The following GMDS variants were observed in gnomAD, a reference collection of about 807,000 sequenced individuals.
GMDS encodes the protein GDP-mannose 4,6-dehydratase, also known as GDP-mannose 4,6 dehydratase.
In GMDS, 20 loss-of-function variants were observed where a neutral mutation model predicts 49.9. That is an observed-to-expected ratio of 0.40 (90% CI 0.28 to 0.58). The LOEUF is 0.58. GMDS is among the 20% of genes least tolerant of loss of function. GMDS has a pLI of 0.42. For missense variants in GMDS, 362 were observed against 481.4 expected (o/e 0.75, Z 2.32); for synonymous variants, 177 against 178.6 (o/e 0.99, Z 0.07).
intron 4 of GMDS, among the ~76,000 whole-genome samples, chr6:2,021,520 A>G (rs1218880358): frequency 6.6e-6 from 1 of 152,206 alleles, no homozygotes; most frequent in Non-Finnish European, 1.5e-5. Flanking sequence ...TTCAATCACT[A>G]GAAACAATAA....
rs531341738 is a variant in GMDS, at chr6:1,635,857, G to A, written c.988-11317C>T. Among the ~76,000 whole-genome samples the A allele has an allele frequency of 3.8e-4, 58 of 152,252 alleles. 1 individual carries two copies. Among genetic ancestry groups the A allele is most frequent in the Admixed American group, 2.2e-3 (34 of 15,300 alleles). On this transcript the variant is annotated intron_variant, in intron 9 of 10. Coordinates refer to ENST00000380815, the MANE Select transcript of GMDS (RefSeq NM_001500.4). The surrounding 1 kb of genome is among the most constrained non-coding windows in gnomAD (Gnocchi z 4.7). ...CTCCAGGCAAGCAGGGCCCAGCCTC[G>A]GCACCTCCAGCACTGCGTCTGGGAG...
intron 7 of GMDS, among the ~76,000 whole-genome samples, chr6:1,820,235 T>C (rs971186155): frequency 2.6e-5 from 4 of 152,172 alleles, no homozygotes; most frequent in African/African-American, 9.7e-5. Context: ...AGAAGAGGCA[T>C]GAATTTTATT....
chr6:2,205,999 C>G (rs1486119428), intron 1 of GMDS, among the ~76,000 whole-genome samples: 1 of 152,162 alleles, frequency 6.6e-6, no homozygotes, highest in Non-Finnish European at 1.5e-5. Flanking sequence ...TGGCTCACAC[C>G]TGTAATCTCA....
At position 1,725,685 on chromosome 6, in the gene GMDS, G is replaced by A. The variant is rs140054217; in HGVS notation, c.987+731C>T. 6.1e-3 allele frequency among the ~76,000 whole-genome samples: 935 copies of A among 152,314 alleles called. 11 individuals carry two copies. Among genetic ancestry groups the A allele is most frequent in the African/African-American group, 0.021 (892 of 41,574 alleles). On this transcript the variant is annotated intron_variant, in intron 9 of 10. Transcript: ENST00000380815. The stretch of plus-strand genomic sequence containing the variant: ...GAGCTCAGGTGATCTGCATGCCTCT[G>A]CCTCCCAAAGGGCTGGGATTATAGG...
chr6:2,213,173 G>A (rs548409779), intron 1 of GMDS, among the ~76,000 whole-genome samples: 2 of 152,284 alleles, frequency 1.3e-5, no homozygotes, highest in South Asian at 2.1e-4. Context: ...GCTCACCACA[G>A]GTGGCAAATA....
chr6:2,207,513 C>T lies in GMDS; in HGVS notation c.102+37808G>A, dbSNP rs905950991. ...GTGAAGACTAACTGGTTGTCCATGC[C>T]ACAATGACAACAAACTACTGAGCTT... On this transcript the variant is annotated intron_variant, in intron 1 of 10. Transcript: ENST00000380815. Among the ~76,000 whole-genome samples, 14 of 151,864 alleles carry T rather than the reference C, an allele frequency of 9.2e-5. 2 individuals are homozygous for T. The highest frequency in any genetic ancestry group is 4.6e-4 in the Admixed American group (7 of 15,260).
At chr6:1,913,592 T>C (rs3800129) in intron 7 of GMDS, among the ~76,000 whole-genome samples, 104 of 152,344 alleles carry the variant, frequency 6.8e-4, no homozygotes, top group East Asian at 6.2e-3. Context: ...AAAAAGGCTA[T>C]GTCAAAAATG....
intron 1 of GMDS, among the ~76,000 whole-genome samples, chr6:2,141,740 G>C (rs2127528753): frequency 6.6e-6 from 1 of 152,292 alleles, no homozygotes; most frequent in Non-Finnish European, 1.5e-5. Context: ...TCTAAATACA[G>C]CATCTCTGAC....
Position 2,238,811 on chromosome 6 carries a change from C to A in GMDS, c.102+6510G>T, listed in dbSNP as rs540755476. Among the ~76,000 whole-genome samples the A allele has an allele frequency of 4.6e-5, 7 of 152,048 alleles. No homozygotes were observed. In the East Asian group the frequency reaches 1.4e-3, roughly 30 times the overall value. ...AACATGTACCAAAATATCACACATA[C>A]CCCATAAATATGTACAATTATTATG... On this transcript the variant is annotated intron_variant, in intron 1 of 10. Transcript: ENST00000380815.
chr6:1,873,107 G>T (rs1416668771), intron 7 of GMDS, among the ~76,000 whole-genome samples: 1 of 152,198 alleles, frequency 6.6e-6, no homozygotes, highest in Non-Finnish European at 1.5e-5. Flanking sequence ...TCGGCAAGTC[G>T]CCCAGTTCTT....
intron 7 of GMDS, among the ~76,000 whole-genome samples, chr6:1,746,264 C>T (rs1005183892): frequency 6.6e-6 from 1 of 152,214 alleles, no homozygotes; most frequent in Non-Finnish European, 1.5e-5. Context: ...AAAAGACAGT[C>T]TTCCTGCATT....
At chr6:2,046,028 T>C (rs760788026) in intron 4 of GMDS, among the ~76,000 whole-genome samples, 3 of 152,034 alleles carry the variant, frequency 2.0e-5, no homozygotes, top group East Asian at 1.9e-4. Context: ...CTAGGCAATA[T>C]AGCAAGACCT....
chr6:2,015,798 A>G (rs1034528596), intron 4 of GMDS, among the ~76,000 whole-genome samples: 1 of 152,210 alleles, frequency 6.6e-6, no homozygotes, highest in Non-Finnish European at 1.5e-5. Context: ...GACATTTATC[A>G]TGCAATGTGG....
rs3839602 is a variant in GMDS, at chr6:1,871,058, GCACA to G, written c.771+59041_771+59044del. Among the ~76,000 whole-genome samples the G allele has an allele frequency of 6.3e-4, 92 of 147,196 alleles. 1 individual carries two copies. Among genetic ancestry groups the G allele is most frequent in the Admixed American group, 1.4e-3 (20 of 14,780 alleles). ...CACCCATCCATATCACTATCCCCCA[GCACA>G]CACACACACACACACACACACACAC... is the stretch of plus-strand genomic sequence containing the variant. On this transcript the variant is annotated intron_variant, in intron 7 of 10. Coordinates refer to ENST00000380815, the MANE Select transcript of GMDS (RefSeq NM_001500.4).
chr6:1,974,421 G>T (rs1764781868), intron 4 of GMDS, among the ~76,000 whole-genome samples: 1 of 152,116 alleles, frequency 6.6e-6, no homozygotes. Flanking sequence ...AAATAAATAA[G>T]AACAGCAACC....
At chr6:2,020,887 T>C (rs1302885475) in intron 4 of GMDS, among the ~76,000 whole-genome samples, 2 of 152,256 alleles carry the variant, frequency 1.3e-5, no homozygotes, top group African/African-American at 4.8e-5. Context: ...GCAGGGTTAC[T>C]TTAAAAACTT....
intron 7 of GMDS, among the ~76,000 whole-genome samples, chr6:1,915,506 C>T (rs1761334295): frequency 6.6e-6 from 1 of 152,208 alleles, no homozygotes; most frequent in Non-Finnish European, 1.5e-5. Flanking sequence ...GACGCTGGGG[C>T]CCTGCCCAAG....
intron 4 of GMDS, among the ~76,000 whole-genome samples, chr6:2,040,211 GC>G (rs982317963): frequency 2.5e-4 from 38 of 152,332 alleles, no homozygotes; most frequent in African/African-American, 8.9e-4. Context: ...AGGGGGAGTG[GC>G]AAAGGGCAGG....
intron 9 of GMDS, among the ~76,000 whole-genome samples, chr6:1,689,794 T>A (rs1765109862): frequency 6.6e-6 from 1 of 152,156 alleles, no homozygotes; most frequent in African/African-American, 2.4e-5. Flanking sequence ...TCTGAAAAAT[T>A]GTAATAAAGT....
Sources: gnomAD v4.1 joint callset for allele counts (sites outside exome capture counted in the v4.1 genomes callset) on GRCh38, gnomAD v4.1.1 for gene constraint, Gnocchi (gnomAD v3.1) non-coding constraint, MANE v1.5 for transcripts, NCBI Gene and HGNC (gene_info 2026-07-23, HGNC 2026-07-21) for gene names.